BMPER: variants seen among roughly 807,000 people sequenced by gnomAD.
BMPER encodes the protein BMP binding endothelial regulator, also known as BMP-binding endothelial regulator protein.
A neutral mutation model predicts 87.3 loss-of-function variants in BMPER; 45 were observed. The observed-to-expected ratio is 0.52, with a 90% CI of 0.41 to 0.66. The LOEUF is 0.66. Ranked by LOEUF, BMPER falls within the 30% of genes least tolerant of loss-of-function variation. The pLI, the probability that BMPER is intolerant of heterozygous loss-of-function variation, is 0.00. For synonymous variants in BMPER, 326 were observed against 316.2 expected (o/e 1.03, Z -0.33); for missense variants, 784 against 867.5 (o/e 0.90, Z 1.21).
chr7:34,101,489 G>T (rs1444663665), intron 13 of BMPER, among the ~76,000 whole-genome samples: 2 of 152,184 alleles, frequency 1.3e-5, no homozygotes, highest in Non-Finnish European at 2.9e-5. Flanking sequence ...CAGAAATAAG[G>T]CAAGAAAATT....
intron 6 of BMPER, among the ~76,000 whole-genome samples, chr7:33,984,923 G>C (rs1007427722): frequency 6.6e-6 from 1 of 152,096 alleles, no homozygotes; most frequent in Non-Finnish European, 1.5e-5. Flanking sequence ...TAAACTATCT[G>C]TCCATTCCTC....
chr7:33,954,601 CTT>C (rs1450850973), intron 3 of BMPER, among the ~76,000 whole-genome samples: 1 of 152,190 alleles, frequency 6.6e-6, no homozygotes, highest in African/African-American at 2.4e-5. Flanking sequence ...TGATACTTCT[CTT>C]CTTTTTAACC....
intron 8 of BMPER, among the ~76,000 whole-genome samples, chr7:34,052,367 A>C (rs1006109633): frequency 6.6e-6 from 1 of 152,236 alleles, no homozygotes; most frequent in African/African-American, 2.4e-5. Context: ...ACAGTTCATC[A>C]CAAAGATAAA....
chr7:33,994,443 C>A (rs1786338695), intron 6 of BMPER, among the ~76,000 whole-genome samples: 1 of 152,212 alleles, frequency 6.6e-6, no homozygotes, highest in African/African-American at 2.4e-5. Flanking sequence ...ACCCCTTGCG[C>A]TTCCCAAGTG....
intron 13 of BMPER, among the ~76,000 whole-genome samples, chr7:34,117,248 G>T (rs1790142005): frequency 6.6e-6 from 1 of 152,150 alleles, no homozygotes; most frequent in African/African-American, 2.4e-5. Context: ...TCAATGGGAA[G>T]CTACCTCAGA....
intron 13 of BMPER, among the ~76,000 whole-genome samples, chr7:34,100,723 G>A (rs1200969647): frequency 6.6e-6 from 1 of 152,176 alleles, no homozygotes; most frequent in Non-Finnish European, 1.5e-5. Context: ...TATATCTGGT[G>A]CAGTGGCCTT....
intron 6 of BMPER, among the ~76,000 whole-genome samples, chr7:34,029,611 A>C (rs997434089): frequency 6.6e-6 from 1 of 152,228 alleles, no homozygotes; most frequent in Non-Finnish European, 1.5e-5. Context: ...GGGGTAAACA[A>C]GCTTTTTCTT....
At chr7:33,920,271 A>C (rs1208832097) in intron 2 of BMPER, among the ~76,000 whole-genome samples, 2 of 152,042 alleles carry the variant, frequency 1.3e-5, no homozygotes, top group African/African-American at 4.8e-5. Flanking sequence ...TTCTCCCACC[A>C]GGGGCCCAGC....
intron 10 of BMPER, 52 bp from the exon 11 acceptor site, chr7:34,061,950 G>GTTTTTTTTTTTT (rs3083769): frequency 1.7e-6 from 2 of 1,172,484 alleles, no homozygotes; most frequent in South Asian, 2.8e-5. Flanking sequence ...AGGAGACCCT[G>GTTTTTTTTTTTT]TTTTTTTTTT....
intron 2 of BMPER, 69 bp downstream of exon 2, chr7:33,906,972 T>C (rs142479053): frequency 4.1e-5 from 56 of 1,363,126 alleles, no homozygotes; most frequent in Non-Finnish European, 5.2e-5. Context: ...TTAAATGTGA[T>C]AATATAACCA....
intron 2 of BMPER, among the ~76,000 whole-genome samples, chr7:33,933,274 G>T (rs1445180840): frequency 6.6e-6 from 1 of 152,070 alleles, no homozygotes; most frequent in African/African-American, 2.4e-5. Context: ...GATGTGTTTG[G>T]TCAATGTTAA....
At chr7:34,147,307 G>A (rs142390510) in intron 14 of BMPER, among the ~76,000 whole-genome samples, 1 of 152,190 alleles carries the variant, frequency 6.6e-6, no homozygotes, top group East Asian at 1.9e-4. Context: ...CCCCATAGGG[G>A]GATGTGGAGA....
chr7:34,058,185 A>T (rs1788334746), intron 10 of BMPER, 22 bp downstream of exon 10: 1 of 1,602,736 alleles, frequency 6.2e-7, no homozygotes, highest in African/African-American at 1.3e-5. Flanking sequence ...ACACAGATTG[A>T]CTTTACCTTA....
intron 8 of BMPER, among the ~76,000 whole-genome samples, chr7:34,054,574 G>A (rs1788233077): frequency 6.6e-6 from 1 of 152,180 alleles, no homozygotes; most frequent in African/African-American, 2.4e-5. Flanking sequence ...CCTTCAGTGG[G>A]TAAGTGGCCT....
chr7:33,930,708 G>A (rs1389849266), intron 2 of BMPER, among the ~76,000 whole-genome samples: 2 of 152,174 alleles, frequency 1.3e-5, no homozygotes, highest in Admixed American at 1.3e-4. Context: ...TTGGGAGGCC[G>A]AGGTGGAGGA....
At chr7:34,069,786 T>G (rs751782801) in intron 11 of BMPER, among the ~76,000 whole-genome samples, 1 of 152,216 alleles carries the variant, frequency 6.6e-6, no homozygotes, top group Non-Finnish European at 1.5e-5. Context: ...TTTAACCTCT[T>G]CAGTCTCTTA....
chr7:34,110,040 T>G (rs2127985683), intron 13 of BMPER, among the ~76,000 whole-genome samples: 1 of 152,328 alleles, frequency 6.6e-6, no homozygotes, highest in East Asian at 1.9e-4. Context: ...TAGAAAGTTT[T>G]CAAATGAAGT....
At chr7:33,997,563 T>C (rs557449652) in intron 6 of BMPER, among the ~76,000 whole-genome samples, 1 of 152,320 alleles carries the variant, frequency 6.6e-6, no homozygotes, top group Non-Finnish European at 1.5e-5. Flanking sequence ...ATTGTAGGTT[T>C]CCTGAGGCCT....
chr7:33,945,152 A>G (rs1162480631), intron 3 of BMPER, among the ~76,000 whole-genome samples: 1 of 151,874 alleles, frequency 6.6e-6, no homozygotes, highest in Non-Finnish European at 1.5e-5. Context: ...CGTGTTAGCC[A>G]GGATCGTCTC....
Sources: gnomAD v4.1 joint callset for allele counts (sites outside exome capture counted in the v4.1 genomes callset) on GRCh38, gnomAD v4.1.1 for gene constraint, MANE v1.5 for transcripts, NCBI Gene and HGNC (gene_info 2026-07-23, HGNC 2026-07-21) for gene names.